Variants in IRAK1 observed in about 807,000 individuals in gnomAD.
IRAK1 encodes the protein interleukin-1 receptor-associated kinase 1.
A neutral mutation model predicts 49.8 loss-of-function variants in IRAK1; 9 were observed. The ratio of observed to expected loss-of-function variants is 0.18; its 90% CI spans 0.11 to 0.32. IRAK1 has a LOEUF of 0.32. Among genes scored for constraint, IRAK1 ranks in the 10% least tolerant of loss-of-function variants. The pLI, the probability that IRAK1 is intolerant of heterozygous loss-of-function variation, is 1.00. For synonymous variants in IRAK1, 282 were observed against 270.8 expected (o/e 1.04, Z -0.41); for missense variants, 418 against 600.5 (o/e 0.70, Z 3.18).
At chrX:154,019,400 A>G in intron 2 of IRAK1, 31 bp downstream of exon 2, 3 of 1,111,862 alleles carry the variant, frequency 2.7e-6, no homozygotes, top group East Asian at 3.0e-5. Flanking sequence ...CCGGCCTCCC[A>G]GCCGTGGGGT....
In IRAK1 at chrX:154,014,114, C is replaced by T. The variant is rs1557128429; in HGVS notation, c.1467G>A (p.Leu489=). The T allele has an allele frequency of 8.3e-7, 1 of 1,200,251 alleles. No individual in the cohort carries two copies. The highest frequency in any genetic ancestry group is 1.8e-5 in the African/African-American group (1 of 56,454). The change falls in exon 11 of 14, where the codon CTG becomes CTA. Residue 489 remains leucine, a synonymous_variant. Transcript: ENST00000369980. The stretch of plus-strand genomic sequence containing the variant: ...AGGCCAGCTGGCCCAGGCCCAGGCC[C>T]AGCTCAGGTGGGCAGGGCCCGGGCC... ...DPRPGPCPPE[L]GLGLGQLACC...
rs1275238360 is a variant in IRAK1, at chrX:154,016,053, G to A, written c.1281C>T (p.His427=). Residue 427 remains histidine (H), a synonymous_variant, in exon 10 of 14, where the codon CAC becomes CAT. Transcript: ENST00000369980. ...TLAGQRAVKT[H]GARTKYLKDL... ...TCACCAGATACTTGGTCCTGGCACC[G>A]TGCGTCTTCACAGCCCTCTGACCAG... The A allele has an allele frequency of 7.4e-6, 9 of 1,208,719 alleles. No homozygotes were observed. Among genetic ancestry groups the A allele is most frequent in the African/African-American group, 3.5e-5 (2 of 57,271 alleles).
At chrX:154,012,453 C>T in intron 13 of IRAK1, 76 bp downstream of exon 13, 5 of 1,105,835 alleles carry the variant, frequency 4.5e-6, no homozygotes, top group South Asian at 2.1e-5. Context: ...TCAGCGCAGT[C>T]GGGACAGACA....
rs782636633 is a variant in IRAK1, at chrX:154,019,606, G to T, written c.137-8C>A. 1.8e-5 allele frequency: 18 copies of T among 1,001,667 alleles called. No individual in the cohort carries two copies. Among genetic ancestry groups the T allele is most frequent in the Non-Finnish European group, 2.3e-5 (18 of 795,496 alleles). 82.5% of individuals were successfully genotyped at this position (1,001,667 alleles called of 1,213,427 possible). On this transcript the variant is annotated splice_polypyrimidine_tract_variant and splice_region_variant and intron_variant, in intron 1 of 13. Coordinates refer to ENST00000369980, the MANE Select transcript of IRAK1 (RefSeq NM_001569.4). ...CGCGCACGATCAGGGCGGCTGCGGG[G>T]CGGGGGGCGTCAGGCGTCGGCGCCA... is the stretch of plus-strand genomic sequence containing the variant.
intron 10 of IRAK1, 117 bp downstream of exon 10, chrX:154,015,914 CA>C: frequency 3.3e-6 from 2 of 610,061 alleles, no homozygotes; most frequent in Non-Finnish European, 5.6e-6. Context: ...AAAATGAGGC[CA>C]CTGTGGCAGC....
At chrX:154,018,175 G>A (rs901189116) in intron 6 of IRAK1, 55 bp from the exon 7 acceptor site, 1 of 1,098,049 alleles carries the variant, frequency 9.1e-7, no homozygotes. Context: ...GGCAGCCCTG[G>A]CTGGGGCCTC....
intron 10 of IRAK1, among the ~76,000 whole-genome samples, chrX:154,014,827 C>T (rs959806213): frequency 3.6e-5 from 4 of 111,885 alleles, no homozygotes; most frequent in Non-Finnish European, 5.7e-5. Context: ...ACAAACAGAA[C>T]CCTGGGACCC....
chrX:154,014,370 A>AT lies in IRAK1; in HGVS notation c.1303-93dup, dbSNP rs1326942341. ...TTGTCACTCAATCGTATGGGTTTTG[A>AT]TAAAAAAAAAAAAAAAAAAAAAAGA... On this transcript the variant is annotated intron_variant, in intron 10 of 13. Coordinates refer to ENST00000369980, the MANE Select transcript of IRAK1 (RefSeq NM_001569.4). 31 of 325,946 alleles carry AT rather than the reference A, an allele frequency of 9.5e-5. No homozygotes were observed. The Admixed American group carries it at 1.2e-3, about 13-fold the overall frequency. 26.9% of individuals were successfully genotyped at this position (325,946 alleles called of 1,213,427 possible).
chrX:154,015,687 C>A (rs1045050488), intron 10 of IRAK1, among the ~76,000 whole-genome samples: 1 of 111,670 alleles, frequency 9.0e-6, no homozygotes, highest in African/African-American at 3.3e-5. Flanking sequence ...TGCTGGGGCC[C>A]AGGAGGTTCC....
In IRAK1 at chrX:154,019,218, C is replaced by T; in HGVS notation, c.415G>A (p.Ala139Thr). Residue 139 changes from alanine (A) to threonine (T), a missense_variant, in exon 3 of 14, where the codon GCC (alanine) becomes ACC (threonine). By Grantham distance (58) the Ala-to-Thr change is moderately conservative. Transcript: ENST00000369980. ...AWSPRKLPSS[A>T]STFLSPAFPG... is the part of the protein sequence containing the mutation. ...TTACCTGGGGAGAGGAAGGTGGAGG[C>T]TGAGGATGGCAACTTCCGGGGGCTC... The T allele has an allele frequency of 8.3e-7, 1 of 1,210,706 alleles. No individual in the cohort carries two copies. The highest frequency in any genetic ancestry group is 1.1e-6 in the Non-Finnish European group (1 of 895,092).
rs1557128410 is a variant in IRAK1, at chrX:154,014,053, G to A, written c.1528C>T (p.Pro510Ser). 9 of 1,194,403 alleles carry A rather than the reference G, an allele frequency of 7.5e-6. No individual in the cohort carries two copies. Among genetic ancestry groups the A allele is most frequent in the Non-Finnish European group, 1.0e-5 (9 of 890,867 alleles). The change falls in exon 11 of 14, where the codon CCT becomes TCT. Residue 510 changes from proline (P) to serine (S), a missense_variant. Around this residue, in one of 3 missense-constraint regions of IRAK1, gnomAD observed 377 missense variants for 499.5 expected, o/e 0.75. Coordinates refer to ENST00000369980, the MANE Select transcript of IRAK1 (RefSeq NM_001569.4). The part of the protein sequence containing the change: ...CLHRRAKRRP[P>S]MTQVYERLEK... ...GCGCAGCTGGCTACCTGGGTCATAGGAGGCCTCCTTTTGGCCCGGCGGTGC... is the reference window on the plus strand; with the variant it reads ...GCGCAGCTGGCTACCTGGGTCATAGAAGGCCTCCTTTTGGCCCGGCGGTGC...
rs782215564 is a variant in IRAK1, at chrX:154,016,651, G to A, written c.1029-7C>T. The stretch of plus-strand genomic sequence containing the variant: ...ATCCAGAAGGACGTTGGAACTTGGG[G>A]AGAGAAGACAGTGGCGTCAGCCCGG... On this transcript the variant is annotated splice_polypyrimidine_tract_variant and splice_region_variant and intron_variant, in intron 8 of 13. Coordinates refer to ENST00000369980, the MANE Select transcript of IRAK1 (RefSeq NM_001569.4). The A allele has an allele frequency of 1.7e-6, 2 of 1,195,517 alleles. No homozygotes were observed. Among genetic ancestry groups the A allele is most frequent in the South Asian group, 3.5e-5 (2 of 56,581 alleles).
intron 12 of IRAK1, 149 bp from the exon 13 acceptor site, chrX:154,012,827 G>T: frequency 2.6e-6 from 2 of 772,327 alleles, no homozygotes; most frequent in South Asian, 2.8e-5. Context: ...AGCCCTCCTT[G>T]TTCCCAGCCT....
chrX:154,013,206 G>A lies in IRAK1; in HGVS notation c.1767C>T (p.Asp589=), dbSNP rs782194372. The A allele has an allele frequency of 7.4e-6, 9 of 1,209,159 alleles. No homozygotes were observed. The highest frequency in any genetic ancestry group is 6.5e-5 in the Admixed American group (3 of 46,027). ...CAGCAGAGAGGCCGCCTAGGCTCTC[G>A]TCACTCTCCACGGGCTGGTTGGGGC... ...QRGPNQPVES[D]ESLGGLSAAL... is the part of the protein sequence containing the mutation. Residue 589 remains aspartate, a synonymous_variant, in exon 12 of 14, where the codon GAC becomes GAT. Transcript: ENST00000369980.
chrX:154,018,453 G>A (rs1421884256), intron 5 of IRAK1, 98 bp from the exon 6 acceptor site: 65 of 924,216 alleles, frequency 7.0e-5, no homozygotes, highest in Non-Finnish European at 9.5e-5. Context: ...CCACCTACCC[G>A]AGGCCCAGAA....
At position 154,016,814 on chromosome X, in the gene IRAK1, C is replaced by G. The variant is rs189031117; in HGVS notation, c.1028+135G>C. On this transcript the variant is annotated intron_variant, in intron 8 of 13. Transcript: ENST00000369980. ...GCCTCTGCTCATCAGTAGGGCCCATCCTTGGCCCGTTCCCACACCTGTGCG... is the reference window on the plus strand; with the variant it reads ...GCCTCTGCTCATCAGTAGGGCCCATGCTTGGCCCGTTCCCACACCTGTGCG... 244 of 619,651 alleles carry G rather than the reference C, an allele frequency of 3.9e-4. No homozygotes were observed. The African/African-American group carries it at 4.4e-3, about 11-fold the overall frequency. The allele number at this position is 619,651 out of a possible 1,213,427, so 51.1% of individuals were successfully genotyped here.
intron 10 of IRAK1, 66 bp downstream of exon 10, chrX:154,015,966 C>A: frequency 2.1e-6 from 2 of 966,582 alleles, no homozygotes; most frequent in Non-Finnish European, 3.0e-6. Flanking sequence ...ATCCCCGCCA[C>A]TGGGGCTGTG....
intron 8 of IRAK1, 95 bp downstream of exon 8, chrX:154,016,854 A>G: frequency 1.4e-6 from 1 of 702,188 alleles, no homozygotes. Context: ...CGGGGTGTTG[A>G]GGTCCCAGGC....
At chrX:154,015,060 G>C (rs1557128765) in intron 10 of IRAK1, among the ~76,000 whole-genome samples, 1 of 112,324 alleles carries the variant, frequency 8.9e-6, no homozygotes, top group East Asian at 2.8e-4. Flanking sequence ...GACAGACCAG[G>C]AGGAACCACC....
Sources: gnomAD v4.1 joint callset for allele counts (sites outside exome capture counted in the v4.1 genomes callset) on GRCh38, gnomAD v4.1.1 for gene constraint, gnomAD v4.1.1 regional missense constraint, MANE v1.5 for transcripts, NCBI Gene and HGNC (gene_info 2026-07-23, HGNC 2026-07-21) for gene names.